Variants in PCDH15 observed in about 807,000 individuals in gnomAD.
PCDH15 encodes the protein protocadherin-15.
Under a neutral mutation model 178.5 loss-of-function variants are expected in PCDH15, and 129 were observed. The observed-to-expected ratio is 0.72, with a 90% CI of 0.63 to 0.84. The LOEUF (loss-of-function observed/expected upper bound fraction) is 0.84, where lower values mean the gene tolerates loss of function less well. PCDH15 is among the 40% of genes least tolerant of loss of function. The probability of loss-of-function intolerance (pLI) is 0.00; values close to 1 mark genes in which losing one functional copy is unlikely to be tolerated. For synonymous variants in PCDH15, 800 were observed against 732.0 expected, an observed-to-expected ratio of 1.09 and a Z score of -1.50; for missense variants, 2,230 against 2,099.9, an observed-to-expected ratio of 1.06 and a Z score of -1.21.
At chr10:54,756,026 C>A (rs1947034126) in intron 1 of PCDH15, among the ~76,000 whole-genome samples, 1 of 148,000 alleles carries the variant, frequency 6.8e-6, no homozygotes, top group African/African-American at 2.5e-5. Flanking sequence ...CCAGCCTGAC[C>A]AATATGGTGA....
chr10:55,013,009 T>C (rs1409120528), intron 2 of PCDH15, among the ~76,000 whole-genome samples: 1 of 152,190 alleles, frequency 6.6e-6, no homozygotes, highest in Non-Finnish European at 1.5e-5. Flanking sequence ...CTTCTGGGAA[T>C]CAAATTCTCT....
At chr10:54,215,768 G>C (rs918768692) in intron 9 of PCDH15, among the ~76,000 whole-genome samples, 5 of 152,090 alleles carry the variant, frequency 3.3e-5, no homozygotes, top group African/African-American at 7.2e-5. Flanking sequence ...ACGGCCGGGC[G>C]CGGTGGCTCA....
chr10:54,992,706 G>T (rs1839533043), intron 2 of PCDH15, among the ~76,000 whole-genome samples: 1 of 150,690 alleles, frequency 6.6e-6, no homozygotes, highest in East Asian at 2.0e-4. Flanking sequence ...AGTGAGCAGA[G>T]ATCAGGCCAC....
intron 8 of PCDH15, among the ~76,000 whole-genome samples, chr10:54,273,816 C>T (rs757449442): frequency 5.3e-5 from 8 of 152,070 alleles, no homozygotes; most frequent in East Asian, 1.9e-4. Flanking sequence ...TGAACCAGAG[C>T]TTGGCACCGG....
chr10:54,938,501 TATTA>T (rs1339246006), intron 2 of PCDH15, among the ~76,000 whole-genome samples: 4 of 152,128 alleles, frequency 2.6e-5, no homozygotes, highest in African/African-American at 9.7e-5. Flanking sequence ...GGAGAATTGG[TATTA>T]ATTTTTTCTT....
chr10:55,281,216 G>T (rs906056798), intron 1 of PCDH15, among the ~76,000 whole-genome samples: 4 of 152,112 alleles, frequency 2.6e-5, no homozygotes, highest in Admixed American at 2.6e-4. Context: ...TTAGTGTAGG[G>T]CATGAGAATT....
intron 1 of PCDH15, among the ~76,000 whole-genome samples, chr10:55,202,062 C>T (rs1311685707): frequency 6.6e-6 from 1 of 152,022 alleles, no homozygotes; most frequent in South Asian, 2.1e-4. Context: ...GTGAATTATT[C>T]TCTAAAGATA....
In PCDH15 at chr10:54,932,859, G is replaced by A. The variant is rs141182175; in HGVS notation, c.-79-35359C>T. On this transcript the variant is annotated intron_variant, in intron 2 of 5. Coordinates refer to the PCDH15 transcript ENST00000458638. Reference sequence around the variant, plus strand: ...GCCCATGTTTTTAAAGTCTACACTAGTGTGCACTAGTGTTCTAGGCCTTCA... The same window carrying A: ...GCCCATGTTTTTAAAGTCTACACTAATGTGCACTAGTGTTCTAGGCCTTCA... Among the ~76,000 whole-genome samples the A allele has an allele frequency of 5.5e-3, 843 of 152,172 alleles. 8 individuals carry two copies. Among genetic ancestry groups the A allele is most frequent in the Non-Finnish European group, 7.8e-3 (532 of 68,008 alleles).
chr10:55,218,944 T>C (rs920751887), intron 1 of PCDH15, among the ~76,000 whole-genome samples: 8 of 152,066 alleles, frequency 5.3e-5, no homozygotes, highest in Non-Finnish European at 1.2e-4. Context: ...CTATATTTTG[T>C]TGATTTCTCC....
At chr10:53,999,009 C>G (rs141961146) in intron 20 of PCDH15, among the ~76,000 whole-genome samples, 1 of 147,142 alleles carries the variant, frequency 6.8e-6, no homozygotes, top group Admixed American at 6.9e-5. Flanking sequence ...GCCGAGATCG[C>G]GCCATTGCAC....
chr10:55,501,859 A>G (rs1347975908), intron 2 of PCDH15, among the ~76,000 whole-genome samples: 1 of 151,828 alleles, frequency 6.6e-6, no homozygotes, highest in Non-Finnish European at 1.5e-5. Flanking sequence ...CAGTAATTCC[A>G]TCATCCACAC....
At chr10:55,487,730 A>G (rs1840325221) in intron 2 of PCDH15, among the ~76,000 whole-genome samples, 1 of 151,656 alleles carries the variant, frequency 6.6e-6, no homozygotes, top group Admixed American at 6.6e-5. Context: ...TAAATCACCA[A>G]TAGCATATAT....
chr10:55,111,947 A>G (rs938345937), intron 2 of PCDH15, among the ~76,000 whole-genome samples: 4 of 152,226 alleles, frequency 2.6e-5, no homozygotes, highest in African/African-American at 4.8e-5. Flanking sequence ...GCATTCAATA[A>G]GGTATGCAAA....
At chr10:54,412,041 C>T (rs1037537424) in intron 3 of PCDH15, among the ~76,000 whole-genome samples, 1 of 151,836 alleles carries the variant, frequency 6.6e-6, no homozygotes, top group Non-Finnish European at 1.5e-5. Context: ...TTAAAGAAGG[C>T]AAATTCTAGG....
At chr10:53,921,300 A>C (rs1289969941) in intron 25 of PCDH15, among the ~76,000 whole-genome samples, 2 of 152,164 alleles carry the variant, frequency 1.3e-5, no homozygotes, top group Non-Finnish European at 1.5e-5. Context: ...TAAAGTAAAA[A>C]TTTAGCACTG....
chr10:55,275,987 G>C (rs1007331975), intron 1 of PCDH15, among the ~76,000 whole-genome samples: 1 of 150,322 alleles, frequency 6.7e-6, no homozygotes, highest in Admixed American at 6.6e-5. Context: ...TATTTTTCTA[G>C]GCATGTTATC....
chr10:55,285,718 A>C (rs1352687795), intron 1 of PCDH15, among the ~76,000 whole-genome samples: 2 of 151,876 alleles, frequency 1.3e-5, no homozygotes, highest in Non-Finnish European at 2.9e-5. Context: ...ATTTTGAATG[A>C]ACAAAGAAAT....
chr10:55,415,470 T>A (rs1187118343), intron 2 of PCDH15, among the ~76,000 whole-genome samples: 1 of 151,676 alleles, frequency 6.6e-6, no homozygotes, highest in South Asian at 2.1e-4. Flanking sequence ...CTAGAGGAGA[T>A]AAAAGGACGT....
chr10:55,482,901 C>A (rs1416414189), intron 2 of PCDH15, among the ~76,000 whole-genome samples: 2 of 151,746 alleles, frequency 1.3e-5, no homozygotes, highest in Non-Finnish European at 2.9e-5. Flanking sequence ...TGGATGATAG[C>A]CTTAAATATG....
Sources: allele counts gnomAD v4.1 joint callset (sites outside exome capture counted in the v4.1 genomes callset), GRCh38; gene constraint gnomAD v4.1.1; transcripts MANE v1.5; gene names NCBI Gene and HGNC (gene_info 2026-07-23, HGNC 2026-07-21).